CDKAL1: variants seen among roughly 807,000 people sequenced by gnomAD.
The protein encoded by CDKAL1 is threonylcarbamoyladenosine tRNA methylthiotransferase.
Under a neutral mutation model 68.2 loss-of-function variants are expected in CDKAL1, and 32 were observed. That is an observed-to-expected ratio of 0.47 (90% CI 0.35 to 0.63). CDKAL1 has a LOEUF of 0.63. CDKAL1 is among the 30% of genes least tolerant of loss of function. The pLI is 0.00. For missense variants in CDKAL1, 606 were observed against 696.7 expected (o/e 0.87, Z 1.47); for synonymous variants, 234 against 244.3 (o/e 0.96, Z 0.39).
At chr6:20,634,123 G>C (rs555798218) in intron 4 of CDKAL1, among the ~76,000 whole-genome samples, 1 of 152,328 alleles carries the variant, frequency 6.6e-6, no homozygotes, top group African/African-American at 2.4e-5. Context: ...ACAACTAAGG[G>C]TTGTGTATAA....
At chr6:20,705,496 G>A (rs1771554519) in intron 5 of CDKAL1, among the ~76,000 whole-genome samples, 1 of 152,124 alleles carries the variant, frequency 6.6e-6, no homozygotes, top group Non-Finnish European at 1.5e-5. Context: ...TTGACACTCA[G>A]CAGTTAGTAA....
intron 11 of CDKAL1, among the ~76,000 whole-genome samples, chr6:21,012,780 C>T (rs1014941524): frequency 1.3e-5 from 2 of 152,236 alleles, no homozygotes; most frequent in East Asian, 1.9e-4. Flanking sequence ...TTTGAGGTGG[C>T]ATTAGGGTGA....
chr6:20,780,204 A>AT (rs1347533060), intron 7 of CDKAL1, among the ~76,000 whole-genome samples: 7 of 151,654 alleles, frequency 4.6e-5, no homozygotes, highest in Non-Finnish European at 2.9e-5. Context: ...AGGGTATGGG[A>AT]TTTTTTTGTA....
chr6:20,565,577 A>G (rs1428925296), intron 4 of CDKAL1, among the ~76,000 whole-genome samples: 1 of 152,092 alleles, frequency 6.6e-6, no homozygotes, highest in Non-Finnish European at 1.5e-5. Flanking sequence ...CTCTTCTAGC[A>G]GGGTTTGTTG....
intron 9 of CDKAL1, among the ~76,000 whole-genome samples, chr6:20,858,758 C>T (rs1397225253): frequency 3.3e-5 from 5 of 151,904 alleles, no homozygotes; most frequent in Admixed American, 3.3e-4. Flanking sequence ...TTGATAATAA[C>T]TCAGAAAATG....
chr6:21,093,694 CTT>C (rs547923386), intron 12 of CDKAL1, among the ~76,000 whole-genome samples: 1 of 88,086 alleles, frequency 1.1e-5, no homozygotes, highest in Non-Finnish European at 2.2e-5. Context: ...GCTGCTGCTG[CTT>C]TTTTTTTTTT....
intron 5 of CDKAL1, among the ~76,000 whole-genome samples, chr6:20,695,425 C>G (rs139323854): frequency 2.5e-4 from 38 of 152,224 alleles, no homozygotes; most frequent in African/African-American, 7.7e-4. Context: ...GGTTAGAGAT[C>G]CAGCTAGATG....
intron 9 of CDKAL1, among the ~76,000 whole-genome samples, chr6:20,912,689 A>G (rs554185004): frequency 1.8e-4 from 28 of 152,288 alleles, no homozygotes; most frequent in African/African-American, 6.7e-4. Flanking sequence ...ACAGAATCAT[A>G]AAGAAGGTAA....
chr6:20,718,431 G>A (rs1772192775), intron 5 of CDKAL1, among the ~76,000 whole-genome samples: 1 of 152,094 alleles, frequency 6.6e-6, no homozygotes, highest in Admixed American at 6.6e-5. Flanking sequence ...TCTTACAGAG[G>A]CATCCATTTC....
intron 4 of CDKAL1, chr6:20,558,726 G>A (rs1192832345): frequency 2.6e-6 from 1 of 385,366 alleles, no homozygotes; most frequent in African/African-American, 2.1e-5. Context: ...GTTCGAAGTT[G>A]TAGAAGATAA....
At chr6:20,762,520 G>C (rs554163590) in intron 7 of CDKAL1, among the ~76,000 whole-genome samples, 1 of 152,094 alleles carries the variant, frequency 6.6e-6, no homozygotes. Flanking sequence ...TCTGTTCTTC[G>C]CTTTCTATGT....
intron 9 of CDKAL1, among the ~76,000 whole-genome samples, chr6:20,946,593 C>CTT (rs11361870): frequency 7.7e-5 from 7 of 91,228 alleles, no homozygotes; most frequent in Admixed American, 2.6e-4. Flanking sequence ...CAATCCATAC[C>CTT]TTTTTTTTTT....
chr6:20,568,119 C>G (rs1447410544), intron 4 of CDKAL1, among the ~76,000 whole-genome samples: 38 of 152,054 alleles, frequency 2.5e-4, no homozygotes, highest in Admixed American at 2.5e-3. Context: ...CCTCGTGATC[C>G]GCCTGCCTCT....
chr6:20,828,302 C>T (rs12211426), intron 8 of CDKAL1, among the ~76,000 whole-genome samples: 3,553 of 152,160 alleles, frequency 0.023, 57 homozygotes, highest in Non-Finnish European at 0.033. Flanking sequence ...AATCTCGGCT[C>T]ATTGCAACCT....
At chr6:21,101,223 A>T (rs542963308) in intron 12 of CDKAL1, among the ~76,000 whole-genome samples, 1 of 152,348 alleles carries the variant, frequency 6.6e-6, no homozygotes, top group South Asian at 2.1e-4. Context: ...ATAGAGGCTA[A>T]CAGTTGGAAG....
intron 9 of CDKAL1, among the ~76,000 whole-genome samples, chr6:20,855,062 G>T (rs997851845): frequency 6.6e-6 from 1 of 152,300 alleles, no homozygotes; most frequent in East Asian, 1.9e-4. Context: ...AGTGGTGAGG[G>T]ATAGAGTAGG....
chr6:20,691,750 T>C (rs1770878557), intron 5 of CDKAL1, among the ~76,000 whole-genome samples: 1 of 152,212 alleles, frequency 6.6e-6, no homozygotes. Flanking sequence ...TCCTTCCTTG[T>C]CTTTTCTTGT....
rs1760250071 is a variant in CDKAL1 at position 20,872,071 on chromosome 6, C to CAT, written c.742+25895_742+25896dup. 3.3e-5 allele frequency among the ~76,000 whole-genome samples: 5 copies of CAT among 152,202 alleles called. No individual in the cohort carries two copies. The South Asian group carries it at 1.0e-3, about 32-fold the overall frequency. On this transcript the variant is annotated intron_variant, in intron 9 of 15. Transcript: ENST00000274695. ...GCAAGTTCCTTAGAGATTGTAGCTG[C>CAT]ATAGTTCTAGATATCTTTAATATAG...
intron 11 of CDKAL1, among the ~76,000 whole-genome samples, chr6:21,051,791 C>T (rs961163439): frequency 6.6e-6 from 1 of 152,144 alleles, no homozygotes; most frequent in African/African-American, 2.4e-5. Flanking sequence ...ATGGGAAGCA[C>T]CATCCTGAGC....
Sources: gnomAD v4.1 joint callset for allele counts (sites outside exome capture counted in the v4.1 genomes callset) on GRCh38, gnomAD v4.1.1 for gene constraint, MANE v1.5 for transcripts, NCBI Gene and HGNC (gene_info 2026-07-23, HGNC 2026-07-21) for gene names.